MSRA: variants seen among roughly 807,000 people sequenced by gnomAD.
The protein encoded by MSRA is methionine sulfoxide reductase A.
MSRA carries 54 observed loss-of-function variants against 31.3 expected under a neutral mutation model. The observed-to-expected ratio is 1.73, with a 90% CI of 1.39 to 2.17. The LOEUF is 2.17. MSRA is among the 30% of genes most tolerant of loss of function. The pLI is 0.00. For missense variants in MSRA, 507 were observed against 300.9 expected, an observed-to-expected ratio of 1.69 and a Z score of -5.07; for synonymous variants, 169 against 116.5, an observed-to-expected ratio of 1.45 and a Z score of -2.90.
chr8:10,322,656 C>T (rs1404625603), intron 5 of MSRA, among the ~76,000 whole-genome samples: 1 of 152,100 alleles, frequency 6.6e-6, no homozygotes, highest in Non-Finnish European at 1.5e-5. Context: ...GCTAACTGGG[C>T]TAATGCTTGT....
At chr8:10,428,020 TA>T in intron 5 of MSRA, 127 bp from the exon 6 acceptor site, 1 of 975,774 alleles carries the variant, frequency 1.0e-6, no homozygotes, top group Non-Finnish European at 1.5e-6. Flanking sequence ...GAGCCCGGCC[TA>T]AAGGGGACCC....
At chr8:10,062,660 G>A (rs1404573846) in intron 1 of MSRA, among the ~76,000 whole-genome samples, 1 of 152,120 alleles carries the variant, frequency 6.6e-6, no homozygotes, top group Middle Eastern at 3.2e-3. Context: ...TAATGGGGAC[G>A]AGCATAGTGC....
intron 5 of MSRA, among the ~76,000 whole-genome samples, chr8:10,343,204 G>C (rs200972772): frequency 1.3e-5 from 2 of 152,030 alleles, no homozygotes; most frequent in East Asian, 3.8e-4. Context: ...CAACCTTCAG[G>C]CTTGCTCAGC....
chr8:10,252,939 A>T (rs945980067), intron 3 of MSRA, among the ~76,000 whole-genome samples: 10 of 152,196 alleles, frequency 6.6e-5, no homozygotes, highest in Non-Finnish European at 1.5e-4. Flanking sequence ...GTGGTCTCTC[A>T]TACTCACGTA....
At chr8:10,248,114 G>T (rs1420124941) in intron 3 of MSRA, among the ~76,000 whole-genome samples, 1 of 152,120 alleles carries the variant, frequency 6.6e-6, no homozygotes, top group African/African-American at 2.4e-5. Flanking sequence ...AAACCCCAAG[G>T]CTCTGGTAAG....
chr8:10,243,257 T>C (rs1483960541), intron 2 of MSRA, among the ~76,000 whole-genome samples: 3 of 152,038 alleles, frequency 2.0e-5, no homozygotes, highest in Non-Finnish European at 4.4e-5. Context: ...ACTCCTGAAC[T>C]TTAGGGGTGG....
chr8:10,420,686 G>A (rs1048137766), intron 5 of MSRA, among the ~76,000 whole-genome samples: 2 of 152,050 alleles, frequency 1.3e-5, no homozygotes, highest in African/African-American at 2.4e-5. Flanking sequence ...CCCACCCCAT[G>A]TACAAGTGCT....
intron 2 of MSRA, among the ~76,000 whole-genome samples, 197 bp from the exon 3 acceptor site, chr8:10,244,907 C>A (rs2129082281): frequency 6.6e-6 from 1 of 152,136 alleles, no homozygotes; most frequent in Admixed American, 6.5e-5. Flanking sequence ...ATATTCTATG[C>A]AAATAATTGT....
In MSRA at chr8:10,234,577, A is replaced by G. The variant is rs60899230; in HGVS notation, c.212-10527A>G. On this transcript the variant is annotated intron_variant, in intron 2 of 5. Transcript: ENST00000317173. ...GAGGATGGTAAGTAGAAAACACAAAATGAGGTTATGGAAAGAAGTTTAAAT... is the reference window on the plus strand; with the variant it reads ...GAGGATGGTAAGTAGAAAACACAAAGTGAGGTTATGGAAAGAAGTTTAAAT... Among the ~76,000 whole-genome samples the G allele has an allele frequency of 2.4e-4, 37 of 152,242 alleles. No homozygotes were observed. In the East Asian group the frequency reaches 3.5e-3, roughly 14 times the overall value.
At chr8:10,257,964 C>T (rs570956046) in intron 3 of MSRA, among the ~76,000 whole-genome samples, 3 of 152,182 alleles carry the variant, frequency 2.0e-5, no homozygotes, top group Non-Finnish European at 4.4e-5. Context: ...ACGTTGATGG[C>T]CTTTACATAT....
chr8:10,183,716 AGT>A (rs1411306169), intron 1 of MSRA, among the ~76,000 whole-genome samples: 1 of 149,350 alleles, frequency 6.7e-6, no homozygotes, highest in Non-Finnish European at 1.5e-5. Flanking sequence ...ACAGAGGCAT[AGT>A]GTTTTTCTCT....
At chr8:10,182,546 A>G (rs978308414) in intron 1 of MSRA, among the ~76,000 whole-genome samples, 3 of 152,112 alleles carry the variant, frequency 2.0e-5, no homozygotes, top group African/African-American at 7.2e-5. Context: ...TGTTGGCAAG[A>G]TTCAGTTTAT....
chr8:10,066,061 C>T (rs972971811), intron 1 of MSRA, among the ~76,000 whole-genome samples: 3 of 151,890 alleles, frequency 2.0e-5, no homozygotes, highest in East Asian at 1.9e-4. Context: ...CTTGCTCTGT[C>T]GGCCAGGCTG....
chr8:10,266,436 T>A (rs1398039750), intron 3 of MSRA, among the ~76,000 whole-genome samples: 1 of 152,236 alleles, frequency 6.6e-6, no homozygotes, highest in Non-Finnish European at 1.5e-5. Context: ...TTTATTGGGT[T>A]ATTTTCTCAT....
chr8:10,098,725 T>C (rs1246783315), intron 1 of MSRA, among the ~76,000 whole-genome samples: 2 of 152,202 alleles, frequency 1.3e-5, no homozygotes, highest in African/African-American at 4.8e-5. Context: ...TTATGACTAT[T>C]TTGGTTGTTA....
intron 5 of MSRA, among the ~76,000 whole-genome samples, chr8:10,422,966 G>A (rs1285911251): frequency 1.3e-5 from 2 of 152,250 alleles, no homozygotes; most frequent in East Asian, 1.9e-4. Context: ...CCTGGGTCTT[G>A]AGGCCGGAGC....
intron 5 of MSRA, among the ~76,000 whole-genome samples, chr8:10,399,548 C>T (rs1807312608): frequency 6.6e-6 from 1 of 152,172 alleles, no homozygotes; most frequent in Admixed American, 6.5e-5. Flanking sequence ...TAAGTAAAAA[C>T]CCCCTGAGGC....
At chr8:10,058,794 C>G (rs565200859) in intron 1 of MSRA, among the ~76,000 whole-genome samples, 2 of 152,208 alleles carry the variant, frequency 1.3e-5, no homozygotes, top group Admixed American at 6.5e-5. Flanking sequence ...TTTAATCCCA[C>G]CTTTAAAAAT....
chr8:10,213,351 A>G (rs185528710), intron 2 of MSRA, among the ~76,000 whole-genome samples: 99 of 148,332 alleles, frequency 6.7e-4, no homozygotes, highest in Admixed American at 1.5e-3. Flanking sequence ...TTGCAACACT[A>G]TGTTGCACTA....
Sources: gnomAD v4.1 joint callset for allele counts (sites outside exome capture counted in the v4.1 genomes callset) on GRCh38, gnomAD v4.1.1 for gene constraint, MANE v1.5 for transcripts, NCBI Gene and HGNC (gene_info 2026-07-23, HGNC 2026-07-21) for gene names.